The following LCLAT1 variants were observed in gnomAD, a reference collection of about 807,000 sequenced individuals.
LCLAT1 encodes the protein lysocardiolipin acyltransferase 1.
LCLAT1 carries 11 observed loss-of-function variants against 30.7 expected under a neutral mutation model. That is an observed-to-expected ratio of 0.36 (90% CI 0.23 to 0.59). The LOEUF (loss-of-function observed/expected upper bound fraction) is 0.59, where lower values mean the gene tolerates loss of function less well. Ranked by LOEUF, LCLAT1 falls within the 20% of genes least tolerant of loss-of-function variation. The pLI is 0.77. For missense variants in LCLAT1, 402 were observed against 458.6 expected (o/e 0.88, Z 1.13); for synonymous variants, 155 against 151.3 (o/e 1.02, Z -0.18).
chr2:30,601,863 A>G (rs978266207), intron 5 of LCLAT1, among the ~76,000 whole-genome samples: 10 of 137,846 alleles, frequency 7.3e-5, no homozygotes, highest in Non-Finnish European at 1.2e-4. Context: ...CAAGGATCCT[A>G]TAGATATCTA....
intron 3 of LCLAT1, among the ~76,000 whole-genome samples, chr2:30,537,607 G>T (rs1663852795): frequency 6.6e-6 from 1 of 151,920 alleles, no homozygotes; most frequent in African/African-American, 2.4e-5. Context: ...GATCTAAAGG[G>T]AGCGTTAGAC....
intron 5 of LCLAT1, among the ~76,000 whole-genome samples, chr2:30,583,703 C>T (rs2148468930): frequency 6.6e-6 from 1 of 152,266 alleles, no homozygotes. Context: ...GACGAGTGAG[C>T]TGCCATCATT....
At chr2:30,559,798 G>T (rs974278912) in intron 3 of LCLAT1, among the ~76,000 whole-genome samples, 11 of 152,196 alleles carry the variant, frequency 7.2e-5, no homozygotes, top group African/African-American at 2.2e-4. Flanking sequence ...GTTTATTTCT[G>T]CACATTTTGG....
At chr2:30,615,658 A>C (rs1487696347) in intron 5 of LCLAT1, among the ~76,000 whole-genome samples, 2 of 152,100 alleles carry the variant, frequency 1.3e-5, no homozygotes, top group African/African-American at 4.8e-5. Context: ...GAGAAAAGAG[A>C]CACCACATAT....
At chr2:30,639,286 A>G (rs1463673180) in intron 5 of LCLAT1, among the ~76,000 whole-genome samples, 1 of 152,162 alleles carries the variant, frequency 6.6e-6, no homozygotes, top group Non-Finnish European at 1.5e-5. Flanking sequence ...GCCTTTATGC[A>G]TGCCTGCCTC....
At chr2:30,447,412 T>A (rs1293862507) in intron 1 of LCLAT1, 29 bp downstream of exon 1, 2 of 152,744 alleles carry the variant, frequency 1.3e-5, no homozygotes, top group African/African-American at 4.8e-5. Context: ...CAGGTGGGGT[T>A]ACGGCGCGAG....
chr2:30,537,549 C>T (rs541047066), intron 3 of LCLAT1, among the ~76,000 whole-genome samples: 7 of 152,052 alleles, frequency 4.6e-5, no homozygotes, highest in South Asian at 4.2e-4. Context: ...CACACACGCA[C>T]GCACACCAAA....
chr2:30,477,372 A>G (rs1420688693), intron 1 of LCLAT1, among the ~76,000 whole-genome samples: 1 of 152,174 alleles, frequency 6.6e-6, no homozygotes, highest in African/African-American at 2.4e-5. Context: ...AAAATATGGA[A>G]TACATCTTCG....
At chr2:30,449,127 A>T (rs998920192) in intron 1 of LCLAT1, among the ~76,000 whole-genome samples, 1 of 152,212 alleles carries the variant, frequency 6.6e-6, no homozygotes, top group African/African-American at 2.4e-5. Context: ...TAATTTGTCC[A>T]TATCACACAA....
At chr2:30,521,611 A>G (rs1685480853) in intron 1 of LCLAT1, among the ~76,000 whole-genome samples, 1 of 139,658 alleles carries the variant, frequency 7.2e-6, no homozygotes. Flanking sequence ...GGTTCAAGCG[A>G]TTCTTCTACC....
chr2:30,634,919 A>C (rs1668952594), intron 5 of LCLAT1, among the ~76,000 whole-genome samples: 1 of 152,240 alleles, frequency 6.6e-6, no homozygotes, highest in African/African-American at 2.4e-5. Context: ...TATACGGAGA[A>C]GCTCAGTTGT....
rs1490588613 is a variant in LCLAT1 at position 30,612,639 on chromosome 2, GA to G, written c.629-27476del. The stretch of plus-strand genomic sequence containing the variant: ...TACAGAGTATCTAAGGCTTGGCAAA[GA>G]ATGTCTCATGTCCAGAACAGAAGCA... On this transcript the variant is annotated intron_variant, in intron 5 of 5. Transcript: ENST00000379509. 2.0e-5 allele frequency among the ~76,000 whole-genome samples: 3 copies of G among 152,330 alleles called. No individual in the cohort carries two copies. In the East Asian group the frequency reaches 5.8e-4, roughly 29 times the overall value.
intron 1 of LCLAT1, among the ~76,000 whole-genome samples, chr2:30,485,658 C>T (rs1176410477): frequency 2.0e-5 from 3 of 152,006 alleles, no homozygotes; most frequent in Non-Finnish European, 4.4e-5. Flanking sequence ...GCAAAAAGAG[C>T]ACTTTACTTT....
intron 5 of LCLAT1, among the ~76,000 whole-genome samples, chr2:30,569,315 A>G (rs111885285): frequency 5.1e-4 from 78 of 152,338 alleles, no homozygotes; most frequent in African/African-American, 1.1e-3. Context: ...AGTTCTGCAT[A>G]TTTGCAAGTT....
chr2:30,580,739 G>T (rs1031580209), intron 5 of LCLAT1, among the ~76,000 whole-genome samples: 13 of 151,992 alleles, frequency 8.6e-5, no homozygotes, highest in Admixed American at 7.2e-4. Flanking sequence ...AGGTTAAGAG[G>T]GACTCCTCAT....
At chr2:30,477,372 A>T (rs1420688693) in intron 1 of LCLAT1, among the ~76,000 whole-genome samples, 1 of 152,174 alleles carries the variant, frequency 6.6e-6, no homozygotes, top group Non-Finnish European at 1.5e-5. Context: ...AAAATATGGA[A>T]TACATCTTCG....
intron 1 of LCLAT1, among the ~76,000 whole-genome samples, chr2:30,467,765 G>A (rs537321287): frequency 2.7e-3 from 414 of 152,232 alleles, no homozygotes; most frequent in Non-Finnish European, 4.8e-3. Context: ...CATATCCTTC[G>A]CCCACTTTTT....
At chr2:30,447,853 C>T (rs1487123937) in intron 1 of LCLAT1, among the ~76,000 whole-genome samples, 2 of 152,194 alleles carry the variant, frequency 1.3e-5, no homozygotes, top group Non-Finnish European at 2.9e-5. Flanking sequence ...CGACGAGAGC[C>T]GTGGAGAGCA....
At chr2:30,458,044 A>T (rs1681919586) in intron 1 of LCLAT1, among the ~76,000 whole-genome samples, 1 of 139,132 alleles carries the variant, frequency 7.2e-6, no homozygotes. Context: ...TCATATTGTT[A>T]AAAAAAAAAA....
Sources: allele counts gnomAD v4.1 joint callset (sites outside exome capture counted in the v4.1 genomes callset), GRCh38; gene constraint gnomAD v4.1.1; transcripts MANE v1.5; gene names NCBI Gene and HGNC (gene_info 2026-07-23, HGNC 2026-07-21).